Variants in PTPRG observed in about 807,000 individuals in gnomAD.
PTPRG encodes protein tyrosine phosphatase receptor type G.
Under a neutral mutation model 165.3 loss-of-function variants are expected in PTPRG, and 102 were observed. The observed-to-expected ratio is 0.62, with a 90% confidence interval of 0.53 to 0.73. The LOEUF is 0.73. Ranked by LOEUF, PTPRG falls within the 30% of genes least tolerant of loss-of-function variation. PTPRG has a pLI of 0.00. For missense variants in PTPRG, 1,866 were observed against 1,861.4 expected (o/e 1.00, Z -0.05); for synonymous variants, 675 against 669.5 (o/e 1.01, Z -0.13).
chr3:61,733,200 A>G (rs981764914), intron 1 of PTPRG, among the ~76,000 whole-genome samples: 1 of 152,186 alleles, frequency 6.6e-6, no homozygotes, highest in African/African-American at 2.4e-5. Flanking sequence ...CAGTTCAAAC[A>G]TGTTCTATAT....
intron 3 of PTPRG, among the ~76,000 whole-genome samples, chr3:61,991,446 TCTC>T (rs1453253199): frequency 2.0e-5 from 3 of 152,194 alleles, no homozygotes; most frequent in African/African-American, 7.2e-5. Flanking sequence ...CCTCAGGTGA[TCTC>T]CTCGCCTCGA....
At chr3:62,161,736 G>A (rs115526415) in intron 7 of PTPRG, among the ~76,000 whole-genome samples, 3,507 of 152,304 alleles carry the variant, frequency 0.023, 56 homozygotes, top group Middle Eastern at 0.065. Context: ...CCTGCATTTA[G>A]CTAGCTGTTC....
chr3:62,216,080 T>C (rs1309640532), intron 12 of PTPRG, among the ~76,000 whole-genome samples: 1 of 151,970 alleles, frequency 6.6e-6, no homozygotes, highest in African/African-American at 2.4e-5. Flanking sequence ...TGGCCAGGCG[T>C]GGTGGCACAC....
intron 26 of PTPRG, among the ~76,000 whole-genome samples, chr3:62,281,082 G>C (rs757735549): frequency 2.6e-5 from 4 of 152,034 alleles, no homozygotes; most frequent in Non-Finnish European, 4.4e-5. Context: ...TTTACTATCT[G>C]TATGTATCCA....
intron 2 of PTPRG, among the ~76,000 whole-genome samples, chr3:61,859,206 C>T (rs1327919761): frequency 6.6e-6 from 1 of 151,920 alleles, no homozygotes; most frequent in Non-Finnish European, 1.5e-5. Context: ...TGCTGGGGTT[C>T]TTTATAATGA....
intron 2 of PTPRG, among the ~76,000 whole-genome samples, chr3:61,932,292 C>G (rs536857349): frequency 4.3e-4 from 65 of 152,278 alleles, no homozygotes; most frequent in Non-Finnish European, 7.9e-4. Flanking sequence ...GGAATTATCC[C>G]AATGTGGGCA....
chr3:61,604,835 A>G (rs1388260624), intron 1 of PTPRG, among the ~76,000 whole-genome samples: 1 of 152,146 alleles, frequency 6.6e-6, no homozygotes, highest in Admixed American at 6.5e-5. Flanking sequence ...GTTTTTCAAT[A>G]AAACTCCTTG....
At chr3:62,171,094 G>A (rs80267519) in intron 8 of PTPRG, among the ~76,000 whole-genome samples, 1 of 152,158 alleles carries the variant, frequency 6.6e-6, no homozygotes, top group Non-Finnish European at 1.5e-5. Flanking sequence ...GTTGTGGCCT[G>A]TAGTTGTAGT....
At chr3:61,935,661 A>G (rs2039467457) in intron 2 of PTPRG, among the ~76,000 whole-genome samples, 1 of 149,078 alleles carries the variant, frequency 6.7e-6, no homozygotes, top group Admixed American at 6.7e-5. Context: ...ATCTTTTTTT[A>G]ATCGTATTCT....
chr3:62,206,442 T>C (rs553081644), intron 12 of PTPRG, among the ~76,000 whole-genome samples: 5 of 152,186 alleles, frequency 3.3e-5, no homozygotes, highest in African/African-American at 4.8e-5. Context: ...GTTTGCAAAG[T>C]GGAGCTAATG....
chr3:61,886,594 G>C (rs2038044724), intron 2 of PTPRG, among the ~76,000 whole-genome samples: 1 of 152,110 alleles, frequency 6.6e-6, no homozygotes, highest in Non-Finnish European at 1.5e-5. Flanking sequence ...AGGATCTGCA[G>C]AAGTCAAAGG....
chr3:61,564,887 G>T (rs1197256001), intron 1 of PTPRG, among the ~76,000 whole-genome samples: 1 of 152,214 alleles, frequency 6.6e-6, no homozygotes, highest in Non-Finnish European at 1.5e-5. Context: ...TGCTGCTCCT[G>T]GCTTTCTCGA....
chr3:61,739,053 G>C (rs1459494378), intron 1 of PTPRG: 2 of 128,748 alleles, frequency 1.6e-5, no homozygotes, highest in Non-Finnish European at 3.1e-5. Context: ...ACAAACTCCT[G>C]GGCTCAAGCT....
intron 6 of PTPRG, among the ~76,000 whole-genome samples, chr3:62,134,153 C>G (rs755014660): frequency 1.3e-5 from 2 of 152,082 alleles, no homozygotes; most frequent in South Asian, 4.1e-4. Context: ...AACCTTCAGG[C>G]GACAGCAGAG....
intron 2 of PTPRG, among the ~76,000 whole-genome samples, chr3:61,976,768 T>C (rs9985427): frequency 0.57 from 86,024 of 151,608 alleles, 25,276 homozygotes; most frequent in African/African-American, 0.73. Context: ...TCTGCCTCCC[T>C]GGTTCAAGCA....
At chr3:61,573,344 C>T (rs947997380) in intron 1 of PTPRG, among the ~76,000 whole-genome samples, 14 of 152,074 alleles carry the variant, frequency 9.2e-5, no homozygotes, top group African/African-American at 3.4e-4. Context: ...GGGTCCCTTG[C>T]TACTTAGTTT....
rs147970233 is a variant in PTPRG, at chr3:62,141,813, G to A, written c.682+9145G>A. Among the ~76,000 whole-genome samples the A allele has an allele frequency of 2.5e-3, 379 of 151,582 alleles. No individual in the cohort carries two copies. In the Middle Eastern group the frequency reaches 0.041, roughly 16 times the overall value. On this transcript the variant is annotated intron_variant, in intron 6 of 29. Coordinates refer to ENST00000474889, the MANE Select transcript of PTPRG (RefSeq NM_002841.4). ...AATCCCAGCTACTTGGGAGGCTGAG[G>A]CATGAGAATCACTTGAACCCAGGAG...
intron 2 of PTPRG, among the ~76,000 whole-genome samples, chr3:61,886,629 G>A (rs2038045423): frequency 6.6e-6 from 1 of 152,110 alleles, no homozygotes; most frequent in South Asian, 2.1e-4. Flanking sequence ...GCTTCAATCA[G>A]GAAGATGGGG....
intron 7 of PTPRG, among the ~76,000 whole-genome samples, chr3:62,157,770 C>T (rs1221936372): frequency 6.6e-6 from 1 of 152,106 alleles, no homozygotes; most frequent in Non-Finnish European, 1.5e-5. Flanking sequence ...CTAAGCCTAC[C>T]CACAGTTCAG....
Sources: allele counts gnomAD v4.1 joint callset (sites outside exome capture counted in the v4.1 genomes callset), GRCh38; gene constraint gnomAD v4.1.1; transcripts MANE v1.5; gene names NCBI Gene and HGNC (gene_info 2026-07-23, HGNC 2026-07-21).